KDM3A: variants seen among roughly 807,000 people sequenced by gnomAD.
KDM3A encodes lysine-specific demethylase 3A.
In KDM3A, 60 loss-of-function variants were observed where a neutral mutation model predicts 158.0. The observed-to-expected ratio is 0.38, with a 90% confidence interval of 0.31 to 0.47. The LOEUF (loss-of-function observed/expected upper bound fraction) is 0.47, where lower values mean the gene tolerates loss of function less well. KDM3A is among the 20% of genes least tolerant of loss of function. KDM3A has a pLI of 0.99. For missense variants in KDM3A, 1,319 were observed against 1,574.3 expected (o/e 0.84, Z 2.74); for synonymous variants, 608 against 549.3 (o/e 1.11, Z -1.49).
intron 2 of KDM3A, among the ~76,000 whole-genome samples, chr2:86,447,456 CTT>C (rs150625957): frequency 1.3e-4 from 17 of 134,530 alleles, no homozygotes; most frequent in Non-Finnish European, 1.5e-4. Context: ...TAATTCTGCA[CTT>C]TTTTTTTTTT....
At chr2:86,443,973 G>A (rs1682849460) in intron 2 of KDM3A, among the ~76,000 whole-genome samples, 1 of 152,172 alleles carries the variant, frequency 6.6e-6, no homozygotes, top group Non-Finnish European at 1.5e-5. Context: ...ATGGAAACAA[G>A]ATTTTATTTA....
At chr2:86,483,195 G>A (rs1222316394) in intron 18 of KDM3A, 1 of 153,676 alleles carries the variant, frequency 6.5e-6, no homozygotes, top group Non-Finnish European at 1.4e-5. Context: ...ATCTTTAGGA[G>A]AATTTCTAGG....
At chr2:86,446,620 G>T (rs1000069536) in intron 2 of KDM3A, among the ~76,000 whole-genome samples, 4 of 152,166 alleles carry the variant, frequency 2.6e-5, no homozygotes, top group Admixed American at 1.3e-4. Flanking sequence ...TGAGGCACGA[G>T]AATCACCTGC....
intron 2 of KDM3A, among the ~76,000 whole-genome samples, chr2:86,443,729 A>G (rs1682840029): frequency 6.6e-6 from 1 of 152,190 alleles, no homozygotes; most frequent in Non-Finnish European, 1.5e-5. Flanking sequence ...AGCTCCTGTC[A>G]TAGGCTGTGA....
intron 8 of KDM3A, among the ~76,000 whole-genome samples, chr2:86,461,112 G>T (rs1428740971): frequency 6.6e-6 from 1 of 152,140 alleles, no homozygotes; most frequent in Non-Finnish European, 1.5e-5. Flanking sequence ...GCACAGCCCT[G>T]TAAAGTATAC....
chr2:86,456,663 T>G (rs1672713453), intron 6 of KDM3A, 97 bp downstream of exon 6: 1 of 1,316,528 alleles, frequency 7.6e-7, no homozygotes, highest in Non-Finnish European at 1.1e-6. Context: ...CCTTTATTAT[T>G]TTATAGGGTA....
intron 21 of KDM3A, chr2:86,488,948 TG>T: frequency 4.9e-6 from 1 of 202,922 alleles, no homozygotes. Flanking sequence ...TGTGTGTGGG[TG>T]GGTGCTTTCC....
At chr2:86,440,600 A>T (rs902298957), upstream of KDM3A, 5 of 152,238 alleles carry the variant, frequency 3.3e-5, no homozygotes, top group African/African-American at 1.2e-4. Flanking sequence ...AAATCTCATT[A>T]TACATTGTAT....
chr2:86,481,870 C>A, intron 16 of KDM3A, 60 bp from the exon 17 acceptor site: 1 of 1,319,730 alleles, frequency 7.6e-7, no homozygotes. Context: ...TAGTAGAATA[C>A]TAATAAGGGA....
At position 86,480,171 on chromosome 2, in the gene KDM3A, C is replaced by T; in HGVS notation, c.2321C>T (p.Ser774Phe). Residue 774 changes from serine (S) to phenylalanine (F), a missense_variant, in exon 16 of 26, where the codon TCT (serine) becomes TTT (phenylalanine). By Grantham distance (155) the Ser-to-Phe change is radical. Around this residue, in one of 4 missense-constraint regions of KDM3A, gnomAD observed 368 missense variants for 415.8 expected, o/e 0.89. Coordinates refer to ENST00000312912, the MANE Select transcript of KDM3A (RefSeq NM_018433.6). Reference sequence around the variant, plus strand: ...GTCCTTTAATGCTTAACACAGACTTCTTTAGCTGGAGAAAAACCGACTCTT... The same window carrying T: ...GTCCTTTAATGCTTAACACAGACTTTTTTAGCTGGAGAAAAACCGACTCTT... ...PASKEDLKQT[S>F]LAGEKPTLGA... is the part of the protein sequence containing the mutation. 6.2e-7 allele frequency: 1 copy of T among 1,611,658 alleles called. No homozygotes were observed. Among genetic ancestry groups the T allele is most frequent in the Non-Finnish European group, 8.5e-7 (1 of 1,179,154 alleles).
chr2:86,456,597 A>G (rs904960105), intron 6 of KDM3A, 31 bp downstream of exon 6: 2 of 1,588,588 alleles, frequency 1.3e-6, no homozygotes, highest in Non-Finnish European at 1.7e-6. Flanking sequence ...TTGTAAGATA[A>G]CTCGACAAAG....
chr2:86,479,597 CCTT>C (rs1487577589), intron 15 of KDM3A: 1 of 151,796 alleles, frequency 6.6e-6, no homozygotes, highest in Admixed American at 6.6e-5. Flanking sequence ...TTTTTTTCCT[CCTT>C]CTTATGTATG....
At chr2:86,470,667 G>C (rs1450820658) in intron 11 of KDM3A, among the ~76,000 whole-genome samples, 4 of 152,072 alleles carry the variant, frequency 2.6e-5, no homozygotes, top group African/African-American at 9.7e-5. Context: ...ATAGAAAAAT[G>C]TCGAAGGTTC....
chr2:86,470,420 T>A lies in KDM3A; in HGVS notation c.1724+12T>A. The A allele has an allele frequency of 6.2e-7, 1 of 1,612,404 alleles. No individual in the cohort carries two copies. The highest frequency in any genetic ancestry group is 8.5e-7 in the Non-Finnish European group (1 of 1,178,550). On this transcript the variant is annotated intron_variant, in intron 11 of 25. Transcript: ENST00000312912. ...TTTCACTTCAGGAGGTGAGGCATTT[T>A]GGGAAAAGTTCAGATAATCTGGGCA...
rs1197890226 is a variant in KDM3A, at chr2:86,484,132, TC to T, written c.3069del (p.Trp1024GlyfsTer11). 6.2e-7 allele frequency: 1 copy of T among 1,613,440 alleles called. No individual in the cohort carries two copies. The highest frequency in any genetic ancestry group is 1.3e-5 in the African/African-American group (1 of 74,840). On this transcript the variant is annotated frameshift_variant, in exon 19 of 26. Transcript: ENST00000312912. LOFTEE classifies it high-confidence loss of function. ...ATCACAGGAGCCACAGTAGGAGACTTCTGGGATGGATTTGAAGATGTTCCAA... is the reference window on the plus strand; with the variant it reads ...ATCACAGGAGCCACAGTAGGAGACTTTGGGATGGATTTGAAGATGTTCCAA... ...EIITGATVGD[F>X]WDGFEDVPNR...
At chr2:86,447,780 AAG>A (rs1040316753) in intron 2 of KDM3A, among the ~76,000 whole-genome samples, 4 of 152,212 alleles carry the variant, frequency 2.6e-5, no homozygotes, top group African/African-American at 9.7e-5. Flanking sequence ...AAATCATTCT[AAG>A]AGAGATTCAG....
chr2:86,472,056 T>C (rs1673439852), intron 11 of KDM3A, among the ~76,000 whole-genome samples: 1 of 152,170 alleles, frequency 6.6e-6, no homozygotes, highest in Non-Finnish European at 1.5e-5. Flanking sequence ...TCCTCTGCTA[T>C]GAAAAATATA....
rs745742334 is a variant in KDM3A, at chr2:86,490,887, G to A, written c.3580G>A (p.Glu1194Lys). The A allele has an allele frequency of 6.8e-6, 11 of 1,609,792 alleles. No individual in the cohort carries two copies. In the East Asian group the frequency reaches 1.3e-4, roughly 20 times the overall value. ...TATTTTGAATGTATTCTAGGTATCA[G>A]AAGAGCAAGGTCAAGAAAACCCAGC... ...KIREFLKKVS[E>K]EQGQENPADH... The change falls in exon 24 of 26, where the codon GAA (glutamate) becomes AAA (lysine). Residue 1194 changes from glutamate (E) to lysine (K), a missense_variant. Glu to Lys is a moderately conservative substitution (Grantham distance 56, BLOSUM62 1). Transcript: ENST00000312912.
chr2:86,484,342 C>A (rs1413205480), intron 19 of KDM3A, among the ~76,000 whole-genome samples, 184 bp downstream of exon 19: 1 of 152,212 alleles, frequency 6.6e-6, no homozygotes, highest in Non-Finnish European at 1.5e-5. Context: ...GGCATTATTA[C>A]CTGTTCTGTT....
Sources: allele counts gnomAD v4.1 joint callset (sites outside exome capture counted in the v4.1 genomes callset), GRCh38; gene constraint gnomAD v4.1.1; regional missense constraint gnomAD v4.1.1; transcripts MANE v1.5; gene names NCBI Gene and HGNC (gene_info 2026-07-23, HGNC 2026-07-21).